The following CDH4 variants were observed in gnomAD, a reference collection of about 807,000 sequenced individuals.
CDH4 encodes the protein cadherin 4.
In CDH4, 33 loss-of-function variants were observed where a neutral mutation model predicts 86.0. That is an observed-to-expected ratio of 0.38 (90% CI 0.29 to 0.51). CDH4 has a LOEUF of 0.51. Ranked by LOEUF, CDH4 falls within the 20% of genes least tolerant of loss-of-function variation. The pLI, the probability that CDH4 is intolerant of heterozygous loss-of-function variation, is 0.86. For synonymous variants in CDH4, 555 were observed against 549.4 expected, an observed-to-expected ratio of 1.01 and a Z score of -0.14; for missense variants, 1,114 against 1,307.4, an observed-to-expected ratio of 0.85 and a Z score of 2.28.
At chr20:61,478,884 T>C (rs983490311) in intron 2 of CDH4, among the ~76,000 whole-genome samples, 1 of 152,236 alleles carries the variant, frequency 6.6e-6, no homozygotes. Flanking sequence ...TTAAACATCC[T>C]GGCCATGCAG....
At chr20:61,329,078 A>G (rs1354415023) in intron 2 of CDH4, among the ~76,000 whole-genome samples, 1 of 152,244 alleles carries the variant, frequency 6.6e-6, no homozygotes, top group Non-Finnish European at 1.5e-5. Context: ...GTCTTGTGCA[A>G]TTTATTGAAC....
rs892714729 is a variant in CDH4 at position 61,615,288 on chromosome 20, A to G, written c.170-128275A>G. On this transcript the variant is annotated intron_variant, in intron 2 of 15. Transcript: ENST00000614565. ...AGGTGTGCACCACCACGCCCAGCTAATTTTTGTATTTTTAGCAGAGATGTG... is the reference window on the plus strand; with the variant it reads ...AGGTGTGCACCACCACGCCCAGCTAGTTTTTGTATTTTTAGCAGAGATGTG... Among the ~76,000 whole-genome samples, 35 of 151,170 alleles carry G rather than the reference A, an allele frequency of 2.3e-4. 1 individual carries two copies. The highest frequency in any genetic ancestry group is 8.6e-4 in the African/African-American group (35 of 40,640).
chr20:61,271,637 CTCT>C (rs1222066620), intron 2 of CDH4, among the ~76,000 whole-genome samples: 2 of 152,226 alleles, frequency 1.3e-5, no homozygotes, highest in African/African-American at 4.8e-5. Context: ...CTCCCCCGGC[CTCT>C]TCTTACAGCG....
chr20:61,382,098 T>TA (rs11204429), intron 2 of CDH4, among the ~76,000 whole-genome samples: 92,275 of 151,784 alleles, frequency 0.61, 29,755 homozygotes, highest in East Asian at 0.95. Context: ...TAAAAATAAT[T>TA]AAAATAAAAA....
intron 2 of CDH4, among the ~76,000 whole-genome samples, chr20:61,498,608 G>C (rs1418719725): frequency 6.6e-6 from 1 of 152,130 alleles, no homozygotes; most frequent in Non-Finnish European, 1.5e-5. Flanking sequence ...GGCCACAGGA[G>C]GACCTCCCAA....
In CDH4 at chr20:61,934,176, C is replaced by G; in HGVS notation, c.2500C>G (p.Pro834Ala). The G allele has an allele frequency of 5.0e-6, 8 of 1,599,198 alleles. No homozygotes were observed. The highest frequency in any genetic ancestry group is 6.8e-6 in the Non-Finnish European group (8 of 1,170,498). ...VGAEPQYPIR[P>A]MVPHPGDIGD... ...CGCTGAGCCCCAGTACCCGATCAGG[C>G]CCATGGTGCCGCACCCAGGCGACAT... Residue 834 changes from proline to alanine, a missense_variant, in exon 15 of 16, where the codon CCC becomes GCC. Around this residue, in one of 3 missense-constraint regions of CDH4, gnomAD observed 188 missense variants for 183.8 expected, o/e 1.02. Transcript: ENST00000614565.
chr20:61,498,209 TA>T lies in CDH4; in HGVS notation c.169+243282del, dbSNP rs112703046. The stretch of plus-strand genomic sequence containing the variant: ...TACCCTAGAACTTAAAGTATAATAA[TA>T]AAAAAAAAAGGCCACAGCTTGTGAA... On this transcript the variant is annotated intron_variant, in intron 2 of 15. Coordinates refer to ENST00000614565, the MANE Select transcript of CDH4 (RefSeq NM_001794.5). 3.0e-3 allele frequency among the ~76,000 whole-genome samples: 437 copies of T among 144,420 alleles called. 3 individuals are homozygous for T. Among genetic ancestry groups the T allele is most frequent in the African/African-American group, 0.01 (407 of 39,374 alleles). The allele number at this position is 144,420 out of a possible 152,430, so 94.7% of individuals were successfully genotyped here.
At chr20:61,609,035 A>G (rs1248464551) in intron 2 of CDH4, among the ~76,000 whole-genome samples, 1 of 152,180 alleles carries the variant, frequency 6.6e-6, no homozygotes, top group Non-Finnish European at 1.5e-5. Context: ...CAGCTCCTCC[A>G]TCTTTTCCTG....
chr20:61,519,370 C>A, intron 2 of CDH4, among the ~76,000 whole-genome samples: 1 of 152,362 alleles, frequency 6.6e-6, no homozygotes, highest in Middle Eastern at 3.4e-3. Context: ...GTTTTATACC[C>A]ATGGATTCCA....
chr20:61,649,355 G>A (rs1052186245), intron 2 of CDH4, among the ~76,000 whole-genome samples: 13 of 152,244 alleles, frequency 8.5e-5, no homozygotes, highest in African/African-American at 1.9e-4. Flanking sequence ...GCCTGGGGCC[G>A]TGTAGGCCAG....
chr20:61,613,476 G>A (rs1287840941), intron 2 of CDH4, among the ~76,000 whole-genome samples: 1 of 151,764 alleles, frequency 6.6e-6, no homozygotes, highest in African/African-American at 2.4e-5. Context: ...TTGTCTCTGT[G>A]TGGAGTATGC....
Position 61,903,499 on chromosome 20 carries a change from C to A in CDH4, c.1189-6923C>A, listed in dbSNP as rs994176582. Among the ~76,000 whole-genome samples, 4 of 117,466 alleles carry A rather than the reference C, an allele frequency of 3.4e-5. No individual in the cohort carries two copies. In the Admixed American group the frequency reaches 4.9e-4, roughly 14 times the overall value. The allele number at this position is 117,466 out of a possible 152,430, so 77.1% of individuals were successfully genotyped here. A position where few individuals can be genotyped will look rare whatever the true frequency, so the allele number is the denominator to read the frequency against. ...AGTGGAGGTTGCAGTGAGCCAAGAT[C>A]GAGCAATTGCACTCCAGCGTGGGCA... is the stretch of plus-strand genomic sequence containing the variant. On this transcript the variant is annotated intron_variant, in intron 8 of 15. Transcript: ENST00000614565.
intron 5 of CDH4, among the ~76,000 whole-genome samples, chr20:61,852,412 G>T (rs373061444): frequency 4.8e-4 from 73 of 152,372 alleles, no homozygotes; most frequent in African/African-American, 1.7e-3. Flanking sequence ...AGGGGCACCT[G>T]TCCTGCTCCA....
At chr20:61,323,953 G>A (rs6101310) in intron 2 of CDH4, among the ~76,000 whole-genome samples, 3,969 of 152,248 alleles carry the variant, frequency 0.026, 76 homozygotes, top group African/African-American at 0.057. Context: ...CTGAAGTTAC[G>A]GGAAAATATT....
intron 4 of CDH4, among the ~76,000 whole-genome samples, chr20:61,824,360 C>CAAA (rs559612224): frequency 7.1e-5 from 8 of 113,402 alleles, no homozygotes; most frequent in African/African-American, 1.9e-4. Context: ...GATAAAAATA[C>CAAA]AAAAAAAAAA....
At chr20:61,302,210 G>C (rs2084389647) in intron 2 of CDH4, among the ~76,000 whole-genome samples, 1 of 152,184 alleles carries the variant, frequency 6.6e-6, no homozygotes, top group Non-Finnish European at 1.5e-5. Context: ...CTCACCACAG[G>C]GCCGGTTTCC....
At chr20:61,883,445 G>A (rs1304511238) in intron 7 of CDH4, among the ~76,000 whole-genome samples, 1 of 152,132 alleles carries the variant, frequency 6.6e-6, no homozygotes, top group Non-Finnish European at 1.5e-5. Flanking sequence ...GCATTGCATG[G>A]GTGGAGGCCA....
intron 2 of CDH4, among the ~76,000 whole-genome samples, chr20:61,540,112 C>T (rs2086028963): frequency 6.6e-6 from 1 of 152,160 alleles, no homozygotes; most frequent in Admixed American, 6.5e-5. Flanking sequence ...GGTGCATGCA[C>T]CGTAGCTCTC....
chr20:61,295,169 G>A (rs138814127), intron 2 of CDH4, among the ~76,000 whole-genome samples: 2 of 152,320 alleles, frequency 1.3e-5, no homozygotes, highest in East Asian at 1.9e-4. Context: ...GCTGTTGTAC[G>A]GGAGGGGAAG....
Sources: gnomAD v4.1 joint callset for allele counts (sites outside exome capture counted in the v4.1 genomes callset) on GRCh38, gnomAD v4.1.1 for gene constraint, gnomAD v4.1.1 regional missense constraint, MANE v1.5 for transcripts, NCBI Gene and HGNC (gene_info 2026-07-23, HGNC 2026-07-21) for gene names.